CNOT6: variants seen among roughly 807,000 people sequenced by gnomAD.
CNOT6 encodes the protein CCR4-NOT transcription complex subunit 6.
A neutral mutation model predicts 61.2 loss-of-function variants in CNOT6; 12 were observed. The ratio of observed to expected loss-of-function variants is 0.20; its 90% CI spans 0.13 to 0.32. The LOEUF (loss-of-function observed/expected upper bound fraction) is 0.32. Ranked by LOEUF, CNOT6 falls within the 10% of genes least tolerant of loss-of-function variation. The pLI is 1.00. For synonymous variants in CNOT6, 225 were observed against 240.6 expected, an observed-to-expected ratio of 0.94 and a Z score of 0.60; for missense variants, 405 against 663.9, an observed-to-expected ratio of 0.61 and a Z score of 4.28.
At chr5:180,542,110 C>T (rs1393818739) in intron 2 of CNOT6, among the ~76,000 whole-genome samples, 1 of 152,150 alleles carries the variant, frequency 6.6e-6, no homozygotes, top group African/African-American at 2.4e-5. Flanking sequence ...TTTTCTGTGG[C>T]TGCCTTAAGA....
rs535972415 is a variant in CNOT6, at chr5:180,567,749, G to A, written c.873-100G>A. The A allele has an allele frequency of 4.0e-6, 6 of 1,508,832 alleles. No individual in the cohort carries two copies. The South Asian group carries it at 4.6e-5, about 12-fold the overall frequency. 93.5% of individuals were successfully genotyped at this position (1,508,832 alleles called of 1,614,324 possible). On this transcript the variant is annotated intron_variant, in intron 8 of 11. Coordinates refer to ENST00000261951, the MANE Select transcript of CNOT6 (RefSeq NM_001370472.1). The stretch of plus-strand genomic sequence containing the variant: ...TCCGTAATGTGATTTAAGTGCCATC[G>A]TATCTGTTAAGGAAGTTTGGGAAAA...
chr5:180,547,500 A>G (rs1364166451), intron 2 of CNOT6, among the ~76,000 whole-genome samples: 4 of 151,828 alleles, frequency 2.6e-5, no homozygotes, highest in South Asian at 2.1e-4. Context: ...AGCCTGGGCA[A>G]CAGAGCGAGA....
At chr5:180,520,594 A>G (rs1365582885) in intron 1 of CNOT6, among the ~76,000 whole-genome samples, 1 of 152,014 alleles carries the variant, frequency 6.6e-6, no homozygotes, top group African/African-American at 2.4e-5. Flanking sequence ...GTGAGCCAAG[A>G]TCACGCCACT....
chr5:180,506,257 TAAATC>T (rs540501333), intron 1 of CNOT6, among the ~76,000 whole-genome samples: 77 of 152,302 alleles, frequency 5.1e-4, no homozygotes, highest in Middle Eastern at 3.4e-3. Flanking sequence ...CTGTGAGAAT[TAAATC>T]AAGGTCATAC....
chr5:180,521,974 A>G (rs1293255986), intron 1 of CNOT6, among the ~76,000 whole-genome samples: 1 of 152,108 alleles, frequency 6.6e-6, no homozygotes, highest in Non-Finnish European at 1.5e-5. Context: ...TGTTTTTGCT[A>G]TTGTGAATAG....
At chr5:180,573,552 AGTGTGTGTGTGTGTGT>A (rs755954581) in intron 11 of CNOT6, among the ~76,000 whole-genome samples, 2 of 119,164 alleles carry the variant, frequency 1.7e-5, no homozygotes, top group African/African-American at 3.2e-5. Flanking sequence ...GGAGGGGGGC[AGTGTGTGTGTGTGTGT>A]GTGTGTGTGT....
chr5:180,527,598 G>A (rs1370771863), intron 1 of CNOT6, among the ~76,000 whole-genome samples: 3 of 152,170 alleles, frequency 2.0e-5, no homozygotes, highest in Admixed American at 2.0e-4. Context: ...TAGAGAGGCT[G>A]GATTTGATTC....
At chr5:180,528,234 A>G (rs2387286) in intron 1 of CNOT6, among the ~76,000 whole-genome samples, 1 of 152,238 alleles carries the variant, frequency 6.6e-6, no homozygotes, top group Non-Finnish European at 1.5e-5. Context: ...TTTATTAGCT[A>G]GAATTCTGTT....
chr5:180,565,731 CTT>C, intron 6 of CNOT6, 87 bp from the exon 7 acceptor site: 1 of 1,263,160 alleles, frequency 7.9e-7, no homozygotes, highest in Non-Finnish European at 1.1e-6. Flanking sequence ...TACGGTCAAA[CTT>C]AACATTTAAG....
chr5:180,529,425 T>C, intron 2 of CNOT6, 37 bp downstream of exon 2: 1 of 1,252,458 alleles, frequency 8.0e-7, no homozygotes, highest in Non-Finnish European at 1.2e-6. Flanking sequence ...GTATGGAAAT[T>C]AAGATATGGT....
intron 1 of CNOT6, among the ~76,000 whole-genome samples, chr5:180,516,645 G>A (rs150079277): frequency 1.1e-3 from 160 of 152,260 alleles, no homozygotes; most frequent in Middle Eastern, 6.8e-3. Flanking sequence ...GTAACATCAC[G>A]CAAATCACTA....
chr5:180,570,466 T>C (rs1421341264), intron 10 of CNOT6, among the ~76,000 whole-genome samples: 1 of 152,248 alleles, frequency 6.6e-6, no homozygotes, highest in Non-Finnish European at 1.5e-5. Context: ...CATCAAGTTA[T>C]CTGGGGATTA....
intron 1 of CNOT6, among the ~76,000 whole-genome samples, chr5:180,519,137 A>G (rs1248732561): frequency 1.3e-5 from 2 of 152,238 alleles, no homozygotes; most frequent in Non-Finnish European, 2.9e-5. Context: ...AGGTGCATCC[A>G]GAGAGGTTGG....
intron 4 of CNOT6, among the ~76,000 whole-genome samples, chr5:180,563,416 A>T (rs7705358): frequency 1.3e-5 from 2 of 150,458 alleles, no homozygotes; most frequent in Non-Finnish European, 1.5e-5. Context: ...TTTTTCTTTT[A>T]TATTTTTAGT....
chr5:180,514,993 A>G (rs553598067), intron 1 of CNOT6, among the ~76,000 whole-genome samples: 1 of 152,274 alleles, frequency 6.6e-6, no homozygotes, highest in Admixed American at 6.5e-5. Flanking sequence ...CAGAGTGGGG[A>G]GTACTGAACT....
chr5:180,547,886 A>G (rs1200670700), intron 2 of CNOT6, among the ~76,000 whole-genome samples: 1 of 151,760 alleles, frequency 6.6e-6, no homozygotes, highest in Non-Finnish European at 1.5e-5. Context: ...GGCGCCCACC[A>G]GCATACCTGG....
At position 180,577,992 on chromosome 5, in the gene CNOT6, A is replaced by T. The variant is rs181268004; in HGVS notation, c.*3792A>T. The T allele has an allele frequency of 3.9e-5, 6 of 152,772 alleles. No individual in the cohort carries two copies. The East Asian group carries it at 1.2e-3, about 29-fold the overall frequency. The allele number at this position is 152,772 out of a possible 1,614,324, so 9.5% of individuals were successfully genotyped here. A position where few individuals can be genotyped will look rare whatever the true frequency, so the allele number is the denominator to read the frequency against. On this transcript the variant is annotated 3_prime_UTR_variant, in exon 12 of 12. Coordinates refer to ENST00000261951, the MANE Select transcript of CNOT6 (RefSeq NM_001370472.1). The stretch of plus-strand genomic sequence containing the variant: ...CAAATATTTTAGAAGTGTAGTTTGT[A>T]TAGCTGTAGTACTGAGGTTTGAGGA...
intron 1 of CNOT6, among the ~76,000 whole-genome samples, chr5:180,505,610 CGA>C (rs1397917421): frequency 7.1e-6 from 1 of 140,206 alleles, no homozygotes; most frequent in East Asian, 2.0e-4. Flanking sequence ...TGCAGTGGCG[CGA>C]TCTCGGCTCA....
At chr5:180,527,774 G>A (rs1484009316) in intron 1 of CNOT6, among the ~76,000 whole-genome samples, 8 of 152,274 alleles carry the variant, frequency 5.3e-5, no homozygotes, top group South Asian at 2.1e-4. Context: ...CCTGGTACTC[G>A]TCCATGGCCT....
Sources: allele counts gnomAD v4.1 joint callset (sites outside exome capture counted in the v4.1 genomes callset), GRCh38; gene constraint gnomAD v4.1.1; transcripts MANE v1.5; gene names NCBI Gene and HGNC (gene_info 2026-07-23, HGNC 2026-07-21).